The following CD247 variants were observed in gnomAD, a reference collection of about 807,000 sequenced individuals.
CD247 encodes CD247 molecule.
A neutral mutation model predicts 30.0 loss-of-function variants in CD247; 13 were observed. The ratio of observed to expected loss-of-function variants is 0.43; its 90% confidence interval spans 0.28 to 0.69. The LOEUF (loss-of-function observed/expected upper bound fraction) is 0.69, where lower values mean the gene tolerates loss of function less well. Ranked by LOEUF, CD247 falls within the 30% of genes least tolerant of loss-of-function variation. CD247 has a pLI of 0.16. For missense variants in CD247, 193 were observed against 212.6 expected, an observed-to-expected ratio of 0.91 and a Z score of 0.57; for synonymous variants, 72 against 80.0, an observed-to-expected ratio of 0.90 and a Z score of 0.53.
intron 1 of CD247, among the ~76,000 whole-genome samples, chr1:167,442,325 T>TGGGC (rs1474917328): frequency 6.6e-6 from 1 of 152,092 alleles, no homozygotes; most frequent in Admixed American, 6.5e-5. Flanking sequence ...TCCCAAGGCC[T>TGGGC]GGGCGCCCTC....
intron 1 of CD247, among the ~76,000 whole-genome samples, chr1:167,442,442 C>A (rs1343761842): frequency 1.3e-5 from 2 of 152,206 alleles, no homozygotes; most frequent in Non-Finnish European, 2.9e-5. Flanking sequence ...TATGCTCTGT[C>A]AGCTGCCTCT....
intron 1 of CD247, among the ~76,000 whole-genome samples, chr1:167,488,669 A>G (rs1282417698): frequency 6.6e-6 from 1 of 152,218 alleles, no homozygotes; most frequent in Non-Finnish European, 1.5e-5. Flanking sequence ...AAGTACACAG[A>G]TGGGCCTAGG....
intron 1 of CD247, among the ~76,000 whole-genome samples, chr1:167,485,674 G>A (rs1216853486): frequency 6.6e-6 from 1 of 152,106 alleles, no homozygotes; most frequent in Non-Finnish European, 1.5e-5. Flanking sequence ...TTACTAGGTG[G>A]TTAACGCCAG....
rs1381846096 is a variant in CD247, at chr1:167,494,955, C to T, written c.58+23453G>A. 6.6e-6 allele frequency among the ~76,000 whole-genome samples: 1 copy of T among 152,192 alleles called. No homozygotes were observed. The highest frequency in any genetic ancestry group is 2.4e-5 in the African/African-American group (1 of 41,446). ...TGGGCTGGACTCTGTTCTCTCCCCA[C>T]CTGGACCTTGTGTCCGAGGAGCAGT... On this transcript the variant is annotated intron_variant, in intron 1 of 7. Coordinates refer to ENST00000362089, the MANE Select transcript of CD247 (RefSeq NM_198053.3). This position sits in a 1 kb window ranked among gnomAD's most constrained non-coding sequence, Gnocchi z 7.3.
chr1:167,477,475 C>A (rs111376814), intron 1 of CD247, among the ~76,000 whole-genome samples: 1 of 152,166 alleles, frequency 6.6e-6, no homozygotes, highest in East Asian at 1.9e-4. Flanking sequence ...CTCACTGATC[C>A]CTCCTGTGGG....
At chr1:167,460,728 T>A (rs1652964205) in intron 1 of CD247, among the ~76,000 whole-genome samples, 1 of 152,196 alleles carries the variant, frequency 6.6e-6, no homozygotes, top group Non-Finnish European at 1.5e-5. Context: ...CCTAATGCTA[T>A]CCCTCCTCCA....
intron 1 of CD247, among the ~76,000 whole-genome samples, chr1:167,492,615 G>A (rs531434680): frequency 2.0e-4 from 31 of 152,244 alleles, no homozygotes; most frequent in African/African-American, 7.0e-4. Flanking sequence ...GCTTCGATTC[G>A]TAAGCCACCT....
chr1:167,482,190 C>T (rs892455292), intron 1 of CD247, among the ~76,000 whole-genome samples: 2 of 152,216 alleles, frequency 1.3e-5, no homozygotes, highest in African/African-American at 2.4e-5. Flanking sequence ...CAACACCACC[C>T]GACTGGAGAC....
chr1:167,442,473 C>T (rs549038745), intron 1 of CD247, among the ~76,000 whole-genome samples: 1 of 152,318 alleles, frequency 6.6e-6, no homozygotes, highest in South Asian at 2.1e-4. Context: ...AGGGTGAAAA[C>T]TAACATTTCT....
intron 1 of CD247, among the ~76,000 whole-genome samples, chr1:167,452,837 C>T (rs143150073): frequency 7.1e-4 from 108 of 152,042 alleles, no homozygotes; most frequent in African/African-American, 2.1e-3. Flanking sequence ...GGACAAGTCT[C>T]TCAGGTTAGC....
intron 1 of CD247, among the ~76,000 whole-genome samples, chr1:167,489,040 G>A (rs535513126): frequency 6.6e-6 from 1 of 152,282 alleles, no homozygotes; most frequent in African/African-American, 2.4e-5. Flanking sequence ...TTGAAAGGCA[G>A]CGCCGAGAAG....
At chr1:167,441,091 T>C (rs1420611767) in intron 1 of CD247, among the ~76,000 whole-genome samples, 1 of 152,126 alleles carries the variant, frequency 6.6e-6, no homozygotes, top group Non-Finnish European at 1.5e-5. Context: ...AGCCCAGCCA[T>C]GTTAGCCCCG....
intron 1 of CD247, among the ~76,000 whole-genome samples, chr1:167,491,548 C>G (rs1654450314): frequency 7.1e-6 from 1 of 140,720 alleles, no homozygotes; most frequent in Non-Finnish European, 1.5e-5. Context: ...GCCTGGGCAA[C>G]AAGAGCGAAA....
intron 1 of CD247, among the ~76,000 whole-genome samples, chr1:167,467,216 TA>T (rs77010590): frequency 0.062 from 9,396 of 152,310 alleles, 391 homozygotes; most frequent in East Asian, 0.23. Flanking sequence ...GGTGCACTTT[TA>T]AAATTTATCG....
At chr1:167,445,695 G>C (rs1303953744) in intron 1 of CD247, among the ~76,000 whole-genome samples, 1 of 152,106 alleles carries the variant, frequency 6.6e-6, no homozygotes, top group Non-Finnish European at 1.5e-5. Context: ...TGCGTTGTTT[G>C]TCTGTCTGTC....
chr1:167,463,926 T>C (rs778035791), intron 1 of CD247, among the ~76,000 whole-genome samples: 2 of 152,174 alleles, frequency 1.3e-5, no homozygotes, highest in African/African-American at 2.4e-5. Context: ...TTTTAATGTT[T>C]TGTTTGCTGA....
At chr1:167,469,774 G>A (rs1048672586) in intron 1 of CD247, among the ~76,000 whole-genome samples, 4 of 152,178 alleles carry the variant, frequency 2.6e-5, no homozygotes, top group Admixed American at 1.3e-4. Flanking sequence ...TATGGTCACT[G>A]GGGCACAGCC....
chr1:167,451,232 C>G (rs1357773843), intron 1 of CD247, among the ~76,000 whole-genome samples: 1 of 152,124 alleles, frequency 6.6e-6, no homozygotes, highest in Non-Finnish European at 1.5e-5. Flanking sequence ...GGCTTTTACT[C>G]TGAATGAGAT....
At chr1:167,497,278 A>G (rs145519206) in intron 1 of CD247, among the ~76,000 whole-genome samples, 6 of 152,346 alleles carry the variant, frequency 3.9e-5, no homozygotes, top group African/African-American at 1.4e-4. Context: ...TGGGGGTAAC[A>G]TTTTTTAAAA....
Sources: allele counts gnomAD v4.1 joint callset (sites outside exome capture counted in the v4.1 genomes callset), GRCh38; gene constraint gnomAD v4.1.1; non-coding constraint Gnocchi (gnomAD v3.1); transcripts MANE v1.5; gene names NCBI Gene and HGNC (gene_info 2026-07-23, HGNC 2026-07-21).